TANGO6: variants seen among roughly 807,000 people sequenced by gnomAD.
TANGO6 encodes transport and golgi organization 6 homolog.
A neutral mutation model predicts 114.2 loss-of-function variants in TANGO6; 90 were observed. The ratio of observed to expected loss-of-function variants is 0.79; its 90% CI spans 0.66 to 0.94. TANGO6 has a LOEUF of 0.94. TANGO6 is among the 40% of genes least tolerant of loss of function. TANGO6 has a pLI of 0.00. For synonymous variants in TANGO6, 477 were observed against 509.8 expected, an observed-to-expected ratio of 0.94 and a Z score of 0.87; for missense variants, 1,274 against 1,315.3, an observed-to-expected ratio of 0.97 and a Z score of 0.49.
intron 17 of TANGO6, among the ~76,000 whole-genome samples, chr16:69,074,683 T>G (rs1477593982): frequency 6.6e-6 from 1 of 152,024 alleles, no homozygotes; most frequent in African/African-American, 2.4e-5. Flanking sequence ...ATTCATTCCC[T>G]TAACCATAAA....
At chr16:68,898,580 TCCTC>T (rs1962739140) in intron 7 of TANGO6, among the ~76,000 whole-genome samples, 1 of 152,132 alleles carries the variant, frequency 6.6e-6, no homozygotes, top group African/African-American at 2.4e-5. Flanking sequence ...GCTCAAGTGA[TCCTC>T]CCTCCTTGGC....
chr16:68,865,487 C>T (rs1363249840), intron 3 of TANGO6, among the ~76,000 whole-genome samples: 3 of 152,064 alleles, frequency 2.0e-5, no homozygotes, highest in African/African-American at 7.2e-5. Context: ...ATGCCAAAAC[C>T]AGCTAATAAG....
chr16:69,008,936 CCGGCTGAAGTTAATTTTG>C (rs1964120303), intron 15 of TANGO6, among the ~76,000 whole-genome samples: 1 of 151,984 alleles, frequency 6.6e-6, no homozygotes, highest in South Asian at 2.1e-4. Context: ...GCCACCGAGC[CCGGCTGAAGTTAATTTTG>C]TACATGTGTC....
chr16:68,912,911 C>CA (rs554300938), intron 11 of TANGO6, among the ~76,000 whole-genome samples: 1,399 of 81,806 alleles, frequency 0.017, 16 homozygotes, highest in African/African-American at 0.039. Flanking sequence ...CCCCATCTCT[C>CA]AAAAAAAAAA....
chr16:68,895,129 A>C (rs1406108986), intron 7 of TANGO6, among the ~76,000 whole-genome samples: 1 of 152,162 alleles, frequency 6.6e-6, no homozygotes, highest in African/African-American at 2.4e-5. Context: ...TGTTTGGCTG[A>C]ATACCTGGCT....
chr16:68,976,774 A>G (rs1218066016), intron 15 of TANGO6, among the ~76,000 whole-genome samples: 1 of 152,232 alleles, frequency 6.6e-6, no homozygotes, highest in East Asian at 1.9e-4. Flanking sequence ...TGTTCTTGTC[A>G]TGCATGGCCT....
At chr16:68,951,926 C>T (rs967655832) in intron 14 of TANGO6, among the ~76,000 whole-genome samples, 2 of 152,052 alleles carry the variant, frequency 1.3e-5, no homozygotes, top group East Asian at 1.9e-4. Flanking sequence ...TCTGCTCTTA[C>T]GGATGGTAAA....
chr16:68,878,388 C>T (rs1962402797), intron 6 of TANGO6, 108 bp downstream of exon 6: 1 of 1,297,414 alleles, frequency 7.7e-7, no homozygotes, highest in African/African-American at 1.5e-5. Context: ...AGTTTTCCTT[C>T]CCCTCCCCCC....
chr16:69,020,217 A>C (rs977885384), intron 15 of TANGO6, among the ~76,000 whole-genome samples: 1 of 152,186 alleles, frequency 6.6e-6, no homozygotes, highest in Non-Finnish European at 1.5e-5. Context: ...CCCCAACTTG[A>C]TCAGGTTTCT....
intron 13 of TANGO6, 117 bp from the exon 14 acceptor site, chr16:68,930,121 T>A: frequency 1.2e-6 from 1 of 831,090 alleles, no homozygotes; most frequent in Non-Finnish European, 1.9e-6. Flanking sequence ...CAGACCAGTT[T>A]CTACCCAAGA....
intron 15 of TANGO6, among the ~76,000 whole-genome samples, chr16:69,012,146 C>T (rs1471928485): frequency 1.3e-5 from 2 of 152,184 alleles, no homozygotes; most frequent in Non-Finnish European, 2.9e-5. Flanking sequence ...TACCATTGCA[C>T]AAAGTAGAAG....
At chr16:68,885,410 C>A (rs1962526790) in intron 7 of TANGO6, among the ~76,000 whole-genome samples, 1 of 152,060 alleles carries the variant, frequency 6.6e-6, no homozygotes, top group African/African-American at 2.4e-5. Flanking sequence ...TTTTTGTTCC[C>A]CTTAAAAGAA....
intron 7 of TANGO6, among the ~76,000 whole-genome samples, chr16:68,883,505 T>C (rs1433324115): frequency 6.6e-6 from 1 of 152,242 alleles, no homozygotes; most frequent in African/African-American, 2.4e-5. Context: ...GGTATTCTCT[T>C]GTATTAACAT....
At chr16:68,960,513 TTTTA>T (rs2152208806) in intron 14 of TANGO6, among the ~76,000 whole-genome samples, 1 of 152,044 alleles carries the variant, frequency 6.6e-6, no homozygotes, top group Non-Finnish European at 1.5e-5. Context: ...TATTTATTTA[TTTTA>T]TTTGAGACAG....
At chr16:68,908,302 G>A (rs1034398323) in intron 10 of TANGO6, among the ~76,000 whole-genome samples, 3 of 152,092 alleles carry the variant, frequency 2.0e-5, no homozygotes, top group Non-Finnish European at 4.4e-5. Context: ...ACTTTTTGAT[G>A]CTTTCTTACC....
At chr16:68,856,953 C>G (rs928439272) in intron 1 of TANGO6, among the ~76,000 whole-genome samples, 3 of 151,998 alleles carry the variant, frequency 2.0e-5, no homozygotes, top group Admixed American at 6.6e-5. Flanking sequence ...ACTAAAAATA[C>G]AAAAAATTAG....
Position 68,927,682 on chromosome 16 carries a change from A to G in TANGO6, c.2242A>G (p.Ile748Val). Residue 748 changes from isoleucine to valine, a missense_variant, in exon 13 of 18, where the codon ATC (isoleucine) becomes GTC (valine). Physicochemically the swap from Ile to Val is conservative, Grantham distance 29. This residue lies in a region of TANGO6 where 908 missense variants were observed against 910.2 expected (regional missense o/e 1.00). Transcript: ENST00000261778. ...ACTCGCTGTTGATCTCCGCATCACC[A>G]TCTCTACCCATGGAGCCTTTGCCAC... ...QELAVDLRIT[I>V]STHGAFATEA... The G allele has an allele frequency of 1.9e-6, 3 of 1,614,002 alleles. No homozygotes were observed. The highest frequency in any genetic ancestry group is 2.5e-6 in the Non-Finnish European group (3 of 1,179,876).
chr16:68,953,222 T>C (rs1042468844), intron 14 of TANGO6, among the ~76,000 whole-genome samples: 1 of 152,038 alleles, frequency 6.6e-6, no homozygotes, highest in Non-Finnish European at 1.5e-5. Context: ...TAACTGGGAT[T>C]ACAGGCACGC....
intron 7 of TANGO6, among the ~76,000 whole-genome samples, chr16:68,893,792 C>T (rs904680582): frequency 2.1e-5 from 3 of 145,898 alleles, no homozygotes; most frequent in African/African-American, 7.6e-5. Flanking sequence ...AAAAATAACA[C>T]GTGAAGTATT....
Sources: gnomAD v4.1 joint callset for allele counts (sites outside exome capture counted in the v4.1 genomes callset) on GRCh38, gnomAD v4.1.1 for gene constraint, gnomAD v4.1.1 regional missense constraint, MANE v1.5 for transcripts, NCBI Gene and HGNC (gene_info 2026-07-23, HGNC 2026-07-21) for gene names.